The following SERTAD2 variants were observed in gnomAD, a reference collection of about 807,000 sequenced individuals.
SERTAD2 encodes the protein SERTA domain containing 2, also known as SERTA domain-containing protein 2.
A neutral mutation model predicts 15.4 loss-of-function variants in SERTAD2; 2 were observed. The observed-to-expected ratio is 0.13, with a 90% CI of 0.05 to 0.41. The LOEUF (loss-of-function observed/expected upper bound fraction) is 0.41, where lower values mean the gene tolerates loss of function less well. Ranked by LOEUF, SERTAD2 falls within the 10% of genes least tolerant of loss-of-function variation. SERTAD2 has a pLI of 0.99. For missense variants in SERTAD2, 333 were observed against 409.7 expected (o/e 0.81, Z 1.62); for synonymous variants, 180 against 178.0 (o/e 1.01, Z -0.09).
chr2:64,647,829 A>G (rs1185302412), intron 1 of SERTAD2, among the ~76,000 whole-genome samples: 5 of 152,244 alleles, frequency 3.3e-5, no homozygotes, highest in Admixed American at 6.5e-5. Context: ...GCCACTGAAT[A>G]AAACTAAGGA....
Position 64,636,533 on chromosome 2 carries a change from C to T in SERTAD2, c.339G>A (p.Pro113=), listed in dbSNP as rs139971509. Residue 113 remains proline (P), a synonymous_variant, in exon 2 of 2, where the codon CCG becomes CCA. Transcript: ENST00000313349. The part of the protein sequence containing the change: ...APPAFSHLAS[P]SSHPCDLGST... ...TTCCGAGGTCGCAGGGGTGGGAGGA[C>T]GGGGACGCCAGGTGGCTGAAGGCCG... 5.0e-5 allele frequency: 80 copies of T among 1,596,420 alleles called. No homozygotes were observed. Among genetic ancestry groups the T allele is most frequent in the Non-Finnish European group, 6.3e-5 (74 of 1,169,836 alleles).
chr2:64,641,022 A>G (rs144808662), intron 1 of SERTAD2, among the ~76,000 whole-genome samples: 13 of 152,344 alleles, frequency 8.5e-5, no homozygotes, highest in Non-Finnish European at 1.5e-4. Flanking sequence ...TCTAAACATT[A>G]ATTTTAACTG....
intron 1 of SERTAD2, among the ~76,000 whole-genome samples, chr2:64,642,724 G>A (rs961633678): frequency 6.6e-6 from 1 of 152,310 alleles, no homozygotes; most frequent in Non-Finnish European, 1.5e-5. Context: ...CCTGGGTTGG[G>A]GGGGCAGGGG....
In SERTAD2 at chr2:64,653,854, G is replaced by T. The variant is rs1675071199; in HGVS notation, c.-239C>A. 2 of 153,550 alleles carry T rather than the reference G, an allele frequency of 1.3e-5. No homozygotes were observed. The highest frequency in any genetic ancestry group is 3.7e-4 in the South Asian group (2 of 5,356). 9.5% of individuals were successfully genotyped at this position (153,550 alleles called of 1,614,324 possible). A position where few individuals can be genotyped will look rare whatever the true frequency, so the allele number is the denominator to read the frequency against. ...CGGAGGAGGAAGCAGGAGGCGGGCG[G>T]AGGGGGCGCCCTGACCGAGCGAGCG... On this transcript the variant is annotated 5_prime_UTR_variant, in exon 1 of 2. Transcript: ENST00000313349.
At chr2:64,647,676 A>T (rs200461419) in intron 1 of SERTAD2, among the ~76,000 whole-genome samples, 1 of 1,808 alleles carries the variant, frequency 5.5e-4, no homozygotes. Context: ...TTTTGTGTTT[A>T]AAAAAAAAAA....
chr2:64,642,651 T>C (rs1397187596), intron 1 of SERTAD2, among the ~76,000 whole-genome samples: 3 of 152,160 alleles, frequency 2.0e-5, no homozygotes, highest in Non-Finnish European at 4.4e-5. Flanking sequence ...ACCACTGCTT[T>C]AACCTGCAGG....
chr2:64,631,799 T>C lies in SERTAD2; in HGVS notation c.*4128A>G, dbSNP rs1674539590. On this transcript the variant is annotated 3_prime_UTR_variant, in exon 2 of 2. Coordinates refer to ENST00000313349, the MANE Select transcript of SERTAD2 (RefSeq NM_014755.3). ...ATAGAAAAGGCACAGCTCTCAGGTC[T>C]GTGGGGGAAAGGTTATACCTCCTTT... is the stretch of plus-strand genomic sequence containing the variant. The C allele has an allele frequency of 6.6e-6, 1 of 152,650 alleles. No individual in the cohort carries two copies. The highest frequency in any genetic ancestry group is 1.5e-5 in the Non-Finnish European group (1 of 68,050). The allele number at this position is 152,650 out of a possible 1,614,324, so 9.5% of individuals were successfully genotyped here.
At chr2:64,642,115 AT>A (rs1302907084) in intron 1 of SERTAD2, among the ~76,000 whole-genome samples, 17 of 152,352 alleles carry the variant, frequency 1.1e-4, no homozygotes, top group African/African-American at 3.8e-4. Flanking sequence ...TTTGTGTCTA[AT>A]TTAGCAGGAC....
chr2:64,642,066 T>C (rs1674788593), intron 1 of SERTAD2, among the ~76,000 whole-genome samples: 1 of 152,244 alleles, frequency 6.6e-6, no homozygotes, highest in Admixed American at 6.5e-5. Flanking sequence ...CCGGAGGATA[T>C]CTTTATTCAG....
chr2:64,650,610 A>G (rs1157298275), intron 1 of SERTAD2, among the ~76,000 whole-genome samples: 1 of 152,176 alleles, frequency 6.6e-6, no homozygotes, highest in Non-Finnish European at 1.5e-5. Context: ...CATTTGAGAC[A>G]ATCATTTTTT....
At chr2:64,645,389 G>GAA (rs779865662) in intron 1 of SERTAD2, among the ~76,000 whole-genome samples, 3 of 48,192 alleles carry the variant, frequency 6.2e-5, no homozygotes, top group African/African-American at 6.6e-5. Flanking sequence ...AGAAGAAGAA[G>GAA]AAGAAAAAAA....
chr2:64,637,023 G>GAGGA, intron 1 of SERTAD2, 148 bp from the exon 2 acceptor site: 2 of 608,674 alleles, frequency 3.3e-6, no homozygotes, highest in Non-Finnish European at 5.7e-6. Flanking sequence ...TTAGGGGTGG[G>GAGGA]AGGAAGGAAG....
rs1365997111 is a variant in SERTAD2, at chr2:64,632,780, C to T, written c.*3147G>A. 1 of 152,592 alleles carries T rather than the reference C, an allele frequency of 6.6e-6. No individual in the cohort carries two copies. The highest frequency in any genetic ancestry group is 1.5e-5 in the Non-Finnish European group (1 of 68,040). 9.5% of individuals were successfully genotyped at this position (152,592 alleles called of 1,614,324 possible). A position where few individuals can be genotyped will look rare whatever the true frequency, so the allele number is the denominator to read the frequency against. On this transcript the variant is annotated 3_prime_UTR_variant, in exon 2 of 2. Transcript: ENST00000313349. ...AGATTTACATTCCTACAAGAGAATA[C>T]ATTCCTACCATACATTCTGCACATG...
Position 64,635,843 on chromosome 2 carries a change from G to A in SERTAD2, c.*84C>T, listed in dbSNP as rs1186145052. ...CTTTTTCTCTGAAAAAGGCAAGCAAGGGTGCATGCACAGTGTGGAGAACTG... is the reference window on the plus strand; with the variant it reads ...CTTTTTCTCTGAAAAAGGCAAGCAAAGGTGCATGCACAGTGTGGAGAACTG... On this transcript the variant is annotated 3_prime_UTR_variant, in exon 2 of 2. Transcript: ENST00000313349. 9.4e-7 allele frequency: 1 copy of A among 1,069,310 alleles called. No individual in the cohort carries two copies. The highest frequency in any genetic ancestry group is 1.4e-6 in the Non-Finnish European group (1 of 724,164). 66.2% of individuals were successfully genotyped at this position (1,069,310 alleles called of 1,614,324 possible).
intron 1 of SERTAD2, among the ~76,000 whole-genome samples, chr2:64,639,130 T>C (rs1293617048): frequency 6.6e-6 from 1 of 152,262 alleles, no homozygotes; most frequent in Non-Finnish European, 1.5e-5. Context: ...TATGTTATAA[T>C]GTGATCATGG....
chr2:64,643,343 C>T (rs1285780225), intron 1 of SERTAD2, among the ~76,000 whole-genome samples: 1 of 152,244 alleles, frequency 6.6e-6, no homozygotes, highest in Non-Finnish European at 1.5e-5. Context: ...CAACACTGAA[C>T]TACAGTGTCT....
intron 1 of SERTAD2, among the ~76,000 whole-genome samples, chr2:64,637,827 C>G (rs1035543658): frequency 6.6e-6 from 1 of 152,224 alleles, no homozygotes; most frequent in African/African-American, 2.4e-5. Context: ...GCTCACAGGC[C>G]AGGCTGTGTC....
chr2:64,653,381 C>T (rs1172827715), intron 1 of SERTAD2, among the ~76,000 whole-genome samples: 1 of 152,078 alleles, frequency 6.6e-6, no homozygotes. Context: ...GCCCTGCCCC[C>T]CAGCGGCTCA....
rs974470963 is a variant in SERTAD2 at position 64,631,848 on chromosome 2, C to A, written c.*4079G>T. 6.6e-6 allele frequency: 1 copy of A among 152,630 alleles called. No homozygotes were observed. The highest frequency in any genetic ancestry group is 1.9e-4 in the East Asian group (1 of 5,206). The allele number at this position is 152,630 out of a possible 1,614,324, so 9.5% of individuals were successfully genotyped here. A position where few individuals can be genotyped will look rare whatever the true frequency, so the allele number is the denominator to read the frequency against. The stretch of plus-strand genomic sequence containing the variant: ...TTTTGACAAAAGCCCTCCTCAAAAA[C>A]CATGCACCAAACATGTCACTATGTA... On this transcript the variant is annotated 3_prime_UTR_variant, in exon 2 of 2. Coordinates refer to ENST00000313349, the MANE Select transcript of SERTAD2 (RefSeq NM_014755.3).
Sources: gnomAD v4.1 joint callset for allele counts (sites outside exome capture counted in the v4.1 genomes callset) on GRCh38, gnomAD v4.1.1 for gene constraint, MANE v1.5 for transcripts, NCBI Gene and HGNC (gene_info 2026-07-23, HGNC 2026-07-21) for gene names.